The following MYZAP variants were observed in gnomAD, a reference collection of about 807,000 sequenced individuals.
MYZAP encodes the protein GRINL1A complex locus upstream.
In MYZAP, 66 loss-of-function variants were observed where a neutral mutation model predicts 69.4. The ratio of observed to expected loss-of-function variants is 0.95; its 90% CI spans 0.78 to 1.17. The LOEUF is 1.17. Ranked by LOEUF, MYZAP falls within the 50% of genes most tolerant of loss-of-function variation. The probability of loss-of-function intolerance (pLI) is 0.00; values close to 1 mark genes in which losing one functional copy is unlikely to be tolerated. For missense variants in MYZAP, 611 were observed against 556.2 expected, an observed-to-expected ratio of 1.10 and a Z score of -0.99; for synonymous variants, 256 against 205.9, an observed-to-expected ratio of 1.24 and a Z score of -2.09.
rs890269 is a variant in MYZAP, at chr15:57,632,427, G to A, written c.679-7G>A. On this transcript the variant is annotated splice_polypyrimidine_tract_variant and splice_region_variant and intron_variant, in intron 6 of 12. Coordinates refer to ENST00000267853, the MANE Select transcript of MYZAP (RefSeq NM_001018100.5). ...AAGCTGTCGTTCTGAAATGAGTCTC[G>A]TTGTAGGTGGAATCGTCCCAAGAAG... 7,247 of 1,614,006 alleles carry A rather than the reference G, an allele frequency of 4.5e-3. 246 individuals carry two copies. The African/African-American group carries it at 0.08, about 18-fold the overall frequency.
intron 11 of MYZAP, among the ~76,000 whole-genome samples, chr15:57,664,067 CT>C (rs1331470513): frequency 4.3e-4 from 55 of 128,964 alleles, no homozygotes; most frequent in Non-Finnish European, 7.4e-4. Context: ...TGTTTCTGTT[CT>C]TGTTTTTTTT....
rs1448918349 is a variant in MYZAP, at chr15:57,616,839, T to TTTTTTTTTTTC, written c.163-1186_163-1185insTTCTTTTTTTT. ...AAAAAGTGCTTTTTTTTTTTTTTTT[T>TTTTTTTTTTTC]TTTTTTTTGTGAATACATGGCAAGA... On this transcript the variant is annotated intron_variant, in intron 2 of 12. Coordinates refer to ENST00000267853, the MANE Select transcript of MYZAP (RefSeq NM_001018100.5). Among the ~76,000 whole-genome samples the TTTTTTTTTTTC allele has an allele frequency of 2.1e-3, 292 of 140,244 alleles. 8 individuals are homozygous for TTTTTTTTTTTC. The highest frequency in any genetic ancestry group is 7.7e-3 in the African/African-American group (282 of 36,684). 92.0% of individuals were successfully genotyped at this position (140,244 alleles called of 152,430 possible). A position where few individuals can be genotyped will look rare whatever the true frequency, so the allele number is the denominator to read the frequency against.
rs3051249 is a variant in MYZAP, at chr15:57,673,463, CGTGTGTGTGTGTGT to C, written c.1204-1463_1204-1450del. ...CTGCACGTGTGCGCATGCGTGCATGCGTGTGTGTGTGTGTGTGTGTGTGTGTGTGTGTGTGTGTG... is the reference window on the plus strand; with the variant it reads ...CTGCACGTGTGCGCATGCGTGCATGCGTGTGTGTGTGTGTGTGTGTGTGTG... On this transcript the variant is annotated intron_variant, in intron 11 of 12. Transcript: ENST00000267853. Among the ~76,000 whole-genome samples, 471 of 102,658 alleles carry C rather than the reference CGTGTGTGTGTGTGT, an allele frequency of 4.6e-3. 3 individuals are homozygous for C. Among genetic ancestry groups the C allele is most frequent in the African/African-American group, 0.015 (418 of 27,008 alleles). The allele number at this position is 102,658 out of a possible 152,430, so 67.3% of individuals were successfully genotyped here.
chr15:57,625,804 T>C lies in MYZAP; in HGVS notation c.437T>C (p.Leu146Pro), dbSNP rs772484212. 6.2e-7 allele frequency: 1 copy of C among 1,614,206 alleles called. No homozygotes were observed. Among genetic ancestry groups the C allele is most frequent in the Non-Finnish European group, 8.5e-7 (1 of 1,180,038 alleles). Residue 146 changes from leucine (L) to proline (P), a missense_variant, in exon 5 of 13, where the codon CTG becomes CCG. Leu to Pro is a moderately conservative substitution (Grantham distance 98). Transcript: ENST00000267853. ...LSVSHAQQEYLENHIQTQSSA... is the reference protein window; with the variant it reads ...LSVSHAQQEYPENHIQTQSSA... ...GTTTCCCATGCTCAGCAGGAGTATC[T>C]GGAGAATCACATCCAAACCCAGTCG...
intron 10 of MYZAP, chr15:57,646,593 G>C (rs1427622553): frequency 1.0e-6 from 1 of 997,776 alleles, no homozygotes; most frequent in Non-Finnish European, 1.2e-6. Flanking sequence ...GATGGGAAGA[G>C]AGCTTGAAGA....
At chr15:57,634,344 G>A (rs1192660903) in intron 8 of MYZAP, among the ~76,000 whole-genome samples, 1 of 152,098 alleles carries the variant, frequency 6.6e-6, no homozygotes, top group Non-Finnish European at 1.5e-5. Flanking sequence ...GGAAGAGAAA[G>A]GATGGGTGAC....
chr15:57,682,452 C>T (rs151322167), intron 12 of MYZAP, among the ~76,000 whole-genome samples: 320 of 152,238 alleles, frequency 2.1e-3, no homozygotes, highest in African/African-American at 7.5e-3. Context: ...AAAATCTCCC[C>T]GCCACTTCCC....
Position 57,669,733 on chromosome 15 carries a change from A to G in MYZAP, c.1204-5235A>G, listed in dbSNP as rs561105142. Among the ~76,000 whole-genome samples the G allele has an allele frequency of 3.3e-5, 5 of 152,178 alleles. No homozygotes were observed. The East Asian group carries it at 9.6e-4, about 29-fold the overall frequency. ...AGCTTCTTGAGGTAGAACTTAGGTC[A>G]TTGATTTTAGACCTTTCTTCTTTTT... On this transcript the variant is annotated intron_variant, in intron 11 of 12. Transcript: ENST00000267853.
At chr15:57,646,291 T>C (rs1407217152) in intron 10 of MYZAP, 1 of 1,262,350 alleles carries the variant, frequency 7.9e-7, no homozygotes, top group Non-Finnish European at 1.0e-6. Flanking sequence ...TATTTATCTA[T>C]GATGAGCCAA....
intron 10 of MYZAP, among the ~76,000 whole-genome samples, chr15:57,655,566 A>G (rs2037971682): frequency 6.6e-6 from 1 of 152,022 alleles, no homozygotes; most frequent in Non-Finnish European, 1.5e-5. Context: ...AGCTCAAACC[A>G]CCTATGCAGG....
chr15:57,628,808 G>A (rs1355237537), intron 5 of MYZAP, among the ~76,000 whole-genome samples: 1 of 152,072 alleles, frequency 6.6e-6, no homozygotes, highest in African/African-American at 2.4e-5. Flanking sequence ...AGGGAGGCCG[G>A]GCGTGGTGGC....
Position 57,591,984 on chromosome 15 carries a change from C to T in MYZAP, c.-51C>T, listed in dbSNP as rs1471480471. The T allele has an allele frequency of 2.2e-6, 3 of 1,391,510 alleles. No homozygotes were observed. In the African/African-American group the frequency reaches 4.5e-5, roughly 21 times the overall value. The allele number at this position is 1,391,510 out of a possible 1,614,324, so 86.2% of individuals were successfully genotyped here. A position where few individuals can be genotyped will look rare whatever the true frequency, so the allele number is the denominator to read the frequency against. On this transcript the variant is annotated 5_prime_UTR_variant, in exon 1 of 13. Transcript: ENST00000267853. ...GCAGGGCGGGCCCCGCACGCTTATT[C>T]TGCCCGGGAGGAACGCCGGCGTCCA...
chr15:57,632,502 TGAG>T lies in MYZAP; in HGVS notation c.751_753del (p.Glu251del). ...TGACCAAGAAGCTGTACAGCCAGTA[TGAG>T]GAGAAGCTGCAGGAAGAACAGAGGA... On this transcript the variant is annotated inframe_deletion, in exon 7 of 13. Coordinates refer to ENST00000267853, the MANE Select transcript of MYZAP (RefSeq NM_001018100.5). The T allele has an allele frequency of 6.2e-7, 1 of 1,614,142 alleles. No individual in the cohort carries two copies. The highest frequency in any genetic ancestry group is 8.5e-7 in the Non-Finnish European group (1 of 1,180,018).
intron 12 of MYZAP, among the ~76,000 whole-genome samples, chr15:57,681,360 G>A (rs1340328854): frequency 1.3e-5 from 2 of 152,214 alleles, no homozygotes; most frequent in African/African-American, 2.4e-5. Context: ...TAATTCATAT[G>A]TGGGGTAATA....
rs547537399 is a variant in MYZAP, at chr15:57,621,207, T to TTG, written c.319-400_319-399insGT. 1.7e-4 allele frequency among the ~76,000 whole-genome samples: 21 copies of TTG among 125,650 alleles called. 1 individual carries two copies. The South Asian group carries it at 2.9e-3, about 17-fold the overall frequency. 82.4% of individuals were successfully genotyped at this position (125,650 alleles called of 152,430 possible). A position where few individuals can be genotyped will look rare whatever the true frequency, so the allele number is the denominator to read the frequency against. Reference sequence around the variant, plus strand: ...ATGTGGGGTCCTTCTTTCTTTTTCTTTTTTTTTTTTTTTTGTTTTTTGAGA... The same window carrying TTG: ...ATGTGGGGTCCTTCTTTCTTTTTCTTTGTTTTTTTTTTTTTTGTTTTTTGAGA... On this transcript the variant is annotated intron_variant, in intron 3 of 12. Transcript: ENST00000267853.
chr15:57,679,457 A>T (rs2039321806), intron 12 of MYZAP, among the ~76,000 whole-genome samples: 1 of 150,472 alleles, frequency 6.6e-6, no homozygotes, highest in African/African-American at 2.4e-5. Context: ...CACTAATTGC[A>T]TTCTCCCTGG....
intron 9 of MYZAP, among the ~76,000 whole-genome samples, chr15:57,638,556 T>G (rs2036950773): frequency 6.6e-6 from 1 of 152,198 alleles, no homozygotes; most frequent in South Asian, 2.1e-4. Flanking sequence ...ATTAACATAG[T>G]GCTGAGGCAG....
intron 10 of MYZAP, among the ~76,000 whole-genome samples, chr15:57,649,034 A>C (rs966964210): frequency 1.2e-4 from 19 of 152,148 alleles, no homozygotes; most frequent in African/African-American, 4.1e-4. Flanking sequence ...TGTATTGTAC[A>C]TATTTTGCAA....
At chr15:57,683,265 C>T (rs1246422220) in intron 12 of MYZAP, among the ~76,000 whole-genome samples, 1 of 152,150 alleles carries the variant, frequency 6.6e-6, no homozygotes, top group Non-Finnish European at 1.5e-5. Flanking sequence ...TCCTCTCATT[C>T]CCTGATCCCC....
Sources: gnomAD v4.1 joint callset for allele counts (sites outside exome capture counted in the v4.1 genomes callset) on GRCh38, gnomAD v4.1.1 for gene constraint, MANE v1.5 for transcripts, NCBI Gene and HGNC (gene_info 2026-07-23, HGNC 2026-07-21) for gene names.